ERCC6L2: variants seen among roughly 807,000 people sequenced by gnomAD.
ERCC6L2 encodes ERCC excision repair 6 like 2, also known as DNA excision repair protein ERCC-6-like 2.
ERCC6L2 carries 77 observed loss-of-function variants against 132.0 expected under a neutral mutation model. The observed-to-expected ratio is 0.58, with a 90% CI of 0.49 to 0.71. The LOEUF is 0.71. Among genes scored for constraint, ERCC6L2 ranks in the 30% least tolerant of loss-of-function variants. ERCC6L2 has a pLI of 0.00. For synonymous variants in ERCC6L2, 583 were observed against 632.4 expected, an observed-to-expected ratio of 0.92 and a Z score of 1.17; for missense variants, 1,542 against 1,837.6, an observed-to-expected ratio of 0.84 and a Z score of 2.94.
At chr9:95,949,289 G>A (rs1219668964) in intron 12 of ERCC6L2, among the ~76,000 whole-genome samples, 1 of 152,240 alleles carries the variant, frequency 6.6e-6, no homozygotes, top group East Asian at 1.9e-4. Flanking sequence ...CAAAAGGGTA[G>A]ATTAAGAAAT....
At chr9:95,988,788 C>A (rs1833190896) in intron 17 of ERCC6L2, among the ~76,000 whole-genome samples, 1 of 152,164 alleles carries the variant, frequency 6.6e-6, no homozygotes, top group African/African-American at 2.4e-5. Flanking sequence ...TCCTCCGATT[C>A]AATTCCAATA....
At chr9:95,899,675 A>T (rs1828669243) in intron 3 of ERCC6L2, among the ~76,000 whole-genome samples, 1 of 151,604 alleles carries the variant, frequency 6.6e-6, no homozygotes, top group South Asian at 2.1e-4. Flanking sequence ...ACACACACAT[A>T]TACAGTTGTC....
At chr9:95,878,216 T>C (rs923130346) in intron 1 of ERCC6L2, among the ~76,000 whole-genome samples, 4 of 152,248 alleles carry the variant, frequency 2.6e-5, no homozygotes, top group African/African-American at 9.6e-5. Context: ...CATTTGTTTA[T>C]GTATTGTCTG....
At chr9:95,945,977 TAAA>T (rs1054259391) in intron 12 of ERCC6L2, among the ~76,000 whole-genome samples, 9 of 151,248 alleles carry the variant, frequency 6.0e-5, no homozygotes, top group South Asian at 4.2e-4. Flanking sequence ...TATATGTAAA[TAAA>T]AAAGACACAG....
chr9:95,928,174 T>A, intron 10 of ERCC6L2, 24 bp downstream of exon 10: 6 of 1,545,500 alleles, frequency 3.9e-6, no homozygotes, highest in Non-Finnish European at 5.4e-6. Context: ...AAGTATATCC[T>A]TGATTGGCCA....
In ERCC6L2 at chr9:95,923,187, T is replaced by C. The variant is rs1295328813; in HGVS notation, c.1414-73T>C. On this transcript the variant is annotated intron_variant, in intron 8 of 18. Transcript: ENST00000653738. Reference sequence around the variant, plus strand: ...TTCTTTCTAAAAAGAATTTTTTTCATAAATTATTTCAATTTATACAGGTTT... The same window carrying C: ...TTCTTTCTAAAAAGAATTTTTTTCACAAATTATTTCAATTTATACAGGTTT... The C allele has an allele frequency of 2.0e-6, 3 of 1,506,476 alleles. No individual in the cohort carries two copies. In the Admixed American group the frequency reaches 6.5e-5, roughly 32 times the overall value. 93.3% of individuals were successfully genotyped at this position (1,506,476 alleles called of 1,614,324 possible).
chr9:95,978,446 T>G (rs1344499184), intron 17 of ERCC6L2, among the ~76,000 whole-genome samples: 2 of 152,186 alleles, frequency 1.3e-5, no homozygotes, highest in Non-Finnish European at 2.9e-5. Context: ...GCTTAATAGT[T>G]TCTCTCAATA....
chr9:96,021,451 CA>C (rs1834287793), downstream of ERCC6L2: 4 of 230,700 alleles, frequency 1.7e-5, no homozygotes, highest in Non-Finnish European at 2.6e-5. This position sits in a 1 kb window ranked among gnomAD's most constrained non-coding sequence, Gnocchi z 4.7. Flanking sequence ...GAGGGCGGCG[CA>C]GCCCTCTGCG....
chr9:95,917,131 G>A (rs187873732), intron 6 of ERCC6L2, among the ~76,000 whole-genome samples: 2 of 152,240 alleles, frequency 1.3e-5, no homozygotes, highest in Non-Finnish European at 2.9e-5. Context: ...CTAGCTGTAG[G>A]ATCAAAGTGG....
At chr9:95,928,528 A>G (rs1564233016) in intron 10 of ERCC6L2, among the ~76,000 whole-genome samples, 191 bp from the exon 11 acceptor site, 1 of 152,226 alleles carries the variant, frequency 6.6e-6, no homozygotes. Flanking sequence ...TGAATGTTAA[A>G]GCCATAATGT....
rs1832475206 is a variant in ERCC6L2, at chr9:95,972,693, A to G, written c.2942A>G (p.Asp981Gly). ...LKRKGTSDIS[D>G]ESDDIEISSK... ...AGAAAAGGCACCAGTGATATCAGTG[A>G]TGAATCTGATGACATTGAAATTTCT... Residue 981 changes from aspartate to glycine, a missense_variant, in exon 16 of 19, where the codon GAT (aspartate) becomes GGT (glycine). Asp to Gly is a moderately conservative substitution (Grantham distance 94). Transcript: ENST00000653738. 1 of 1,301,188 alleles carries G rather than the reference A, an allele frequency of 7.7e-7. No homozygotes were observed. 80.6% of individuals were successfully genotyped at this position (1,301,188 alleles called of 1,614,324 possible). A position where few individuals can be genotyped will look rare whatever the true frequency, so the allele number is the denominator to read the frequency against.
At chr9:96,007,194 G>T (rs965153030) in intron 18 of ERCC6L2, among the ~76,000 whole-genome samples, 2 of 152,256 alleles carry the variant, frequency 1.3e-5, no homozygotes, top group Non-Finnish European at 2.9e-5. Flanking sequence ...GTTGTGGGCA[G>T]TCATCAAGCA....
intron 17 of ERCC6L2, among the ~76,000 whole-genome samples, chr9:95,989,445 C>A (rs1341370570): frequency 2.6e-5 from 4 of 152,164 alleles, no homozygotes; most frequent in South Asian, 2.1e-4. Context: ...GAAGCTGGGA[C>A]AAAGACCAAA....
rs745387084 is a variant in ERCC6L2, at chr9:95,907,288, G to A, written c.788+17G>A. 1.3e-6 allele frequency: 2 copies of A among 1,538,898 alleles called. No homozygotes were observed. Among genetic ancestry groups the A allele is most frequent in the Admixed American group, 3.7e-5 (2 of 54,240 alleles). ...ACTTAACAGGTAATGGGAATAATAG[G>A]AATAGGAATGATTGTATTAATAGTC... is the stretch of plus-strand genomic sequence containing the variant. On this transcript the variant is annotated intron_variant, in intron 4 of 18. Transcript: ENST00000653738.
At chr9:96,000,505 A>T (rs532239449) in intron 17 of ERCC6L2, among the ~76,000 whole-genome samples, 1 of 152,354 alleles carries the variant, frequency 6.6e-6, no homozygotes, top group South Asian at 2.1e-4. Context: ...ATTTGTATAT[A>T]TAAATATCTT....
intron 3 of ERCC6L2, among the ~76,000 whole-genome samples, chr9:95,903,130 A>C (rs1254034107): frequency 2.0e-5 from 3 of 151,974 alleles, no homozygotes; most frequent in Non-Finnish European, 4.4e-5. Flanking sequence ...TGTTTCAGCT[A>C]GAATTTATTT....
chr9:95,918,778 GA>G, intron 6 of ERCC6L2: 2 of 172,378 alleles, frequency 1.2e-5, no homozygotes, highest in Non-Finnish European at 2.5e-5. Flanking sequence ...TTTAAAAACA[GA>G]AAAATGGTAG....
intron 10 of ERCC6L2, 80 bp from the exon 11 acceptor site, chr9:95,928,639 T>C: frequency 7.8e-7 from 1 of 1,279,412 alleles, no homozygotes; most frequent in Non-Finnish European, 1.1e-6. Context: ...AATTAATACT[T>C]AACAAGTCTC....
chr9:95,918,731 A>G, intron 6 of ERCC6L2: 1 of 182,786 alleles, frequency 5.5e-6, no homozygotes, highest in Non-Finnish European at 1.2e-5. Context: ...CATCAGTTAG[A>G]GAAATAAGCC....
Sources: allele counts gnomAD v4.1 joint callset (sites outside exome capture counted in the v4.1 genomes callset), GRCh38; gene constraint gnomAD v4.1.1; non-coding constraint Gnocchi (gnomAD v3.1); transcripts MANE v1.5; gene names NCBI Gene and HGNC (gene_info 2026-07-23, HGNC 2026-07-21).